Variants in GLRA1 observed in about 807,000 individuals in gnomAD.
GLRA1 encodes glycine receptor subunit alpha-1.
GLRA1 carries 37 observed loss-of-function variants against 48.3 expected under a neutral mutation model. That is an observed-to-expected ratio of 0.77 (90% confidence interval 0.59 to 1.01). GLRA1 has a LOEUF of 1.01. Ranked by LOEUF, GLRA1 falls within the 50% of genes least tolerant of loss-of-function variation. The pLI is 0.00. For missense variants in GLRA1, 427 were observed against 571.0 expected, an observed-to-expected ratio of 0.75 and a Z score of 2.57; for synonymous variants, 196 against 210.7, an observed-to-expected ratio of 0.93 and a Z score of 0.60.
At chr5:151,846,993 C>CATCT (rs573182142) in intron 7 of GLRA1, among the ~76,000 whole-genome samples, 2 of 152,154 alleles carry the variant, frequency 1.3e-5, no homozygotes, top group African/African-American at 4.8e-5. Context: ...CCTACCTGCC[C>CATCT]ATCTATCTAT....
chr5:151,873,043 TTTCTCA>T (rs1474442257), intron 3 of GLRA1, among the ~76,000 whole-genome samples: 2 of 149,790 alleles, frequency 1.3e-5, no homozygotes, highest in African/African-American at 5.1e-5. Flanking sequence ...GGCATTCTTA[TTTCTCA>T]TTCTCTTTTT....
At chr5:151,893,231 C>T (rs542733422) in intron 1 of GLRA1, among the ~76,000 whole-genome samples, 1 of 152,292 alleles carries the variant, frequency 6.6e-6, no homozygotes, top group African/African-American at 2.4e-5. Context: ...GCCCCATTCA[C>T]ACCACAGTAT....
chr5:151,906,575 A>G (rs1022792114), intron 1 of GLRA1, among the ~76,000 whole-genome samples: 1 of 152,238 alleles, frequency 6.6e-6, no homozygotes, highest in African/African-American at 2.4e-5. Flanking sequence ...CTTAGGCAGA[A>G]GGGATCGGTC....
chr5:151,855,233 A>C (rs531030571), intron 5 of GLRA1, 56 bp from the exon 6 acceptor site: 7 of 1,569,244 alleles, frequency 4.5e-6, no homozygotes, highest in Non-Finnish European at 6.1e-6. Context: ...TGTTTGAAGC[A>C]TGTCAGGATT....
At chr5:151,866,207 G>A (rs1022123897) in intron 3 of GLRA1, among the ~76,000 whole-genome samples, 1 of 152,182 alleles carries the variant, frequency 6.6e-6, no homozygotes, top group Non-Finnish European at 1.5e-5. Context: ...CTGCCTCTCA[G>A]ATTCCTTGAT....
At chr5:151,849,812 C>A in intron 7 of GLRA1, 2 of 1,161,476 alleles carry the variant, frequency 1.7e-6, no homozygotes, top group Non-Finnish European at 2.2e-6. Flanking sequence ...CCTTGGCCTC[C>A]CAGAGTCCTG....
At chr5:151,842,548 C>T (rs1763737924) in intron 7 of GLRA1, among the ~76,000 whole-genome samples, 1 of 152,116 alleles carries the variant, frequency 6.6e-6, no homozygotes, top group Admixed American at 6.6e-5. Context: ...TGACAAAATT[C>T]AACAGCTTTC....
intron 1 of GLRA1, among the ~76,000 whole-genome samples, chr5:151,915,637 A>C (rs1243048472): frequency 6.6e-6 from 1 of 151,992 alleles, no homozygotes; most frequent in Non-Finnish European, 1.5e-5. Flanking sequence ...ATAGTAAATT[A>C]CATAGAAAAT....
At chr5:151,857,566 A>G (rs1253144687) in intron 4 of GLRA1, among the ~76,000 whole-genome samples, 1 of 152,130 alleles carries the variant, frequency 6.6e-6, no homozygotes, top group African/African-American at 2.4e-5. Context: ...ATCAAAGGTT[A>G]TTTCAAAGAG....
chr5:151,841,992 G>C (rs1438527120), intron 7 of GLRA1, among the ~76,000 whole-genome samples: 1 of 151,580 alleles, frequency 6.6e-6, no homozygotes, highest in African/African-American at 2.4e-5. Flanking sequence ...AGGAGTTGGA[G>C]GTTGCCGTGA....
chr5:151,826,495 G>A (rs545766242), intron 8 of GLRA1, among the ~76,000 whole-genome samples: 3 of 152,218 alleles, frequency 2.0e-5, no homozygotes, highest in East Asian at 1.9e-4. Context: ...GAAGAACCTC[G>A]GGTTTTTTAG....
At chr5:151,853,546 A>T (rs546418242) in intron 6 of GLRA1, among the ~76,000 whole-genome samples, 2 of 151,654 alleles carry the variant, frequency 1.3e-5, no homozygotes, top group Non-Finnish European at 2.9e-5. Flanking sequence ...ATGAGCCACC[A>T]TGCCTGGCCT....
At chr5:151,865,131 C>A (rs1259063724) in intron 3 of GLRA1, among the ~76,000 whole-genome samples, 1 of 152,150 alleles carries the variant, frequency 6.6e-6, no homozygotes, top group Admixed American at 6.5e-5. Flanking sequence ...TAACTGAGCT[C>A]TCTTAAGTGC....
chr5:151,892,188 G>T, intron 2 of GLRA1, 123 bp downstream of exon 2: 1 of 910,540 alleles, frequency 1.1e-6, no homozygotes. Context: ...GTCTGCCTTG[G>T]GTAGAGGAAA....
intron 1 of GLRA1, among the ~76,000 whole-genome samples, chr5:151,912,392 C>T (rs1754639346): frequency 6.6e-6 from 1 of 151,186 alleles, no homozygotes; most frequent in Non-Finnish European, 1.5e-5. Flanking sequence ...ATGGAAGGGG[C>T]TTCTCTGCAG....
intron 1 of GLRA1, among the ~76,000 whole-genome samples, chr5:151,914,755 G>A (rs1054222065): frequency 1.3e-5 from 2 of 152,140 alleles, no homozygotes; most frequent in South Asian, 2.1e-4. Flanking sequence ...CTTTATAATG[G>A]GGGTGGGAGC....
intron 7 of GLRA1, among the ~76,000 whole-genome samples, chr5:151,848,491 T>C (rs7702751): frequency 0.47 from 71,448 of 151,912 alleles, 17,721 homozygotes; most frequent in African/African-American, 0.64. Context: ...CTCAGCCTCC[T>C]GAGTAGCTGG....
intron 7 of GLRA1, among the ~76,000 whole-genome samples, chr5:151,840,099 G>GT (rs113124430): frequency 0.028 from 4,075 of 144,674 alleles, 231 homozygotes; most frequent in Admixed American, 0.13. Context: ...AGAAAATACT[G>GT]TTTTTTTTTT....
At chr5:151,836,289 GC>G (rs1763576945) in intron 7 of GLRA1, among the ~76,000 whole-genome samples, 1 of 152,156 alleles carries the variant, frequency 6.6e-6, no homozygotes, top group Non-Finnish European at 1.5e-5. Flanking sequence ...ACAAACCACT[GC>G]TCAAGGAAAT....
Sources: gnomAD v4.1 joint callset for allele counts (sites outside exome capture counted in the v4.1 genomes callset) on GRCh38, gnomAD v4.1.1 for gene constraint, MANE v1.5 for transcripts, NCBI Gene and HGNC (gene_info 2026-07-23, HGNC 2026-07-21) for gene names.